The following CCDC178 variants were observed in gnomAD, a reference collection of about 807,000 sequenced individuals.
CCDC178 encodes the protein coiled-coil domain-containing protein 178.
A neutral mutation model predicts 117.4 loss-of-function variants in CCDC178; 126 were observed. The observed-to-expected ratio is 1.07, with a 90% CI of 0.93 to 1.24. CCDC178 has a LOEUF of 1.24. Among genes scored for constraint, CCDC178 ranks in the 50% most tolerant of loss-of-function variants. The pLI, the probability that CCDC178 is intolerant of heterozygous loss-of-function variation, is 0.00. For missense variants in CCDC178, 1,030 were observed against 986.9 expected (o/e 1.04, Z -0.59); for synonymous variants, 283 against 313.4 (o/e 0.90, Z 1.02).
At chr18:33,410,106 G>A (rs150494826) in intron 3 of CCDC178, among the ~76,000 whole-genome samples, 71 of 152,274 alleles carry the variant, frequency 4.7e-4, no homozygotes, top group South Asian at 2.9e-3. Flanking sequence ...GCTTGCAAAC[G>A]AGTGTAGACT....
intron 14 of CCDC178, among the ~76,000 whole-genome samples, chr18:33,258,980 G>A (rs182538999): frequency 1.3e-5 from 2 of 151,992 alleles, no homozygotes; most frequent in African/African-American, 2.4e-5. Flanking sequence ...AGCACATAAC[G>A]TACATCAACA....
chr18:32,946,917 CT>C lies in CCDC178; in HGVS notation c.2524-8827del, dbSNP rs1042454316. 6.4e-4 allele frequency among the ~76,000 whole-genome samples: 97 copies of C among 151,918 alleles called. 1 individual carries two copies. The highest frequency in any genetic ancestry group is 2.2e-3 in the African/African-American group (91 of 41,446). On this transcript the variant is annotated intron_variant, in intron 22 of 22. Transcript: ENST00000383096. ...GTCTTAGCCTCCGGAGTAGCTGGGA[CT>C]ACCGGCACGCACCACCACGCCCGGC...
chr18:33,053,895 ATAT>A (rs2056785442), intron 21 of CCDC178, among the ~76,000 whole-genome samples: 1 of 152,080 alleles, frequency 6.6e-6, no homozygotes, highest in Non-Finnish European at 1.5e-5. Context: ...ATTTTGAATA[ATAT>A]TATACAAAAT....
chr18:33,233,940 T>A (rs2059397303), intron 15 of CCDC178, among the ~76,000 whole-genome samples: 1 of 152,130 alleles, frequency 6.6e-6, no homozygotes. Flanking sequence ...AAAGTTCAGA[T>A]AATTAAATGG....
At chr18:33,073,504 C>CATCTATCTATCT (rs11468119) in intron 21 of CCDC178, among the ~76,000 whole-genome samples, 6 of 142,112 alleles carry the variant, frequency 4.2e-5, no homozygotes, top group South Asian at 2.3e-4. Flanking sequence ...CTATAGTCAG[C>CATCTATCTATCT]ATCTATCTAT....
At chr18:33,204,892 T>A (rs962196733) in intron 20 of CCDC178, among the ~76,000 whole-genome samples, 4 of 152,056 alleles carry the variant, frequency 2.6e-5, no homozygotes, top group African/African-American at 4.8e-5. Flanking sequence ...AATAACAGCA[T>A]GTTAATGATA....
At chr18:33,212,218 G>A (rs1030275008) in intron 19 of CCDC178, among the ~76,000 whole-genome samples, 163 bp from the exon 20 acceptor site, 1 of 151,876 alleles carries the variant, frequency 6.6e-6, no homozygotes, top group Admixed American at 6.6e-5. Flanking sequence ...TACTTCCATA[G>A]GGCTACATCT....
chr18:33,021,300 G>T (rs184826546), intron 21 of CCDC178, among the ~76,000 whole-genome samples: 38 of 152,208 alleles, frequency 2.5e-4, no homozygotes, highest in Non-Finnish European at 4.3e-4. Context: ...TCTTTCACCT[G>T]TTCTGAATCT....
At chr18:33,267,794 A>G (rs1467923410) in intron 12 of CCDC178, among the ~76,000 whole-genome samples, 2 of 151,554 alleles carry the variant, frequency 1.3e-5, no homozygotes, top group African/African-American at 4.8e-5. Flanking sequence ...TTAAATACCT[A>G]GAAAAATAGA....
chr18:33,319,252 T>G (rs1266503977), intron 11 of CCDC178, among the ~76,000 whole-genome samples: 1 of 152,046 alleles, frequency 6.6e-6, no homozygotes, highest in Non-Finnish European at 1.5e-5. Context: ...CCAGGTGTTC[T>G]CGGTGTTCAA....
chr18:32,944,795 A>C (rs2054309833), intron 22 of CCDC178, among the ~76,000 whole-genome samples: 1 of 152,060 alleles, frequency 6.6e-6, no homozygotes, highest in Non-Finnish European at 1.5e-5. Context: ...TTTCCCCCAT[A>C]CTGTTCTCAT....
chr18:33,315,247 T>A (rs1599147959), intron 11 of CCDC178, among the ~76,000 whole-genome samples: 1 of 152,142 alleles, frequency 6.6e-6, no homozygotes, highest in Admixed American at 6.5e-5. Flanking sequence ...CTTTTGATTA[T>A]CTCTTGGCAA....
chr18:33,437,186 C>G (rs1053504957), intron 2 of CCDC178, among the ~76,000 whole-genome samples: 1 of 152,110 alleles, frequency 6.6e-6, no homozygotes, highest in African/African-American at 2.4e-5. Flanking sequence ...TTAGACTCAA[C>G]AGTTACAATT....
intron 21 of CCDC178, among the ~76,000 whole-genome samples, chr18:33,040,009 A>C (rs2056518481): frequency 6.6e-6 from 1 of 151,838 alleles, no homozygotes; most frequent in Non-Finnish European, 1.5e-5. Flanking sequence ...TTACCATAAG[A>C]AAAAAAATAC....
intron 16 of CCDC178, among the ~76,000 whole-genome samples, 159 bp from the exon 17 acceptor site, chr18:33,225,095 ATATAT>A (rs2059286802): frequency 1.3e-5 from 2 of 149,566 alleles, no homozygotes; most frequent in Admixed American, 7.0e-5. Flanking sequence ...TATATATTAC[ATATAT>A]TATATTACAT....
chr18:33,388,886 G>A (rs144344495), intron 5 of CCDC178, among the ~76,000 whole-genome samples: 181 of 152,122 alleles, frequency 1.2e-3, no homozygotes, highest in Non-Finnish European at 1.9e-3. Flanking sequence ...ACTAACGCAG[G>A]AACAGAAAAC....
intron 2 of CCDC178, among the ~76,000 whole-genome samples, chr18:33,418,452 A>C (rs1329062641): frequency 6.6e-6 from 1 of 152,184 alleles, no homozygotes; most frequent in East Asian, 1.9e-4. Context: ...TCCCACTGTC[A>C]CCACTTCTAT....
chr18:33,043,770 C>G (rs1388806606), intron 21 of CCDC178, among the ~76,000 whole-genome samples: 1 of 151,758 alleles, frequency 6.6e-6, no homozygotes, highest in Non-Finnish European at 1.5e-5. Flanking sequence ...AACACCAATG[C>G]TCAGATTTTC....
Position 33,206,958 on chromosome 18 carries a change from A to G in CCDC178, c.2238+4938T>C, listed in dbSNP as rs192917545. Among the ~76,000 whole-genome samples the G allele has an allele frequency of 3.6e-3, 552 of 152,322 alleles. 6 individuals carry two copies. The highest frequency in any genetic ancestry group is 0.012 in the African/African-American group (512 of 41,580). Reference sequence around the variant, plus strand: ...TGTAGCATCCACATGGACCACTTTCATATCACCCTTTGAGTCTTGAAGCCA... The same window carrying G: ...TGTAGCATCCACATGGACCACTTTCGTATCACCCTTTGAGTCTTGAAGCCA... On this transcript the variant is annotated intron_variant, in intron 20 of 22. Coordinates refer to ENST00000383096, the MANE Select transcript of CCDC178 (RefSeq NM_001105528.4).
Sources: gnomAD v4.1 joint callset for allele counts (sites outside exome capture counted in the v4.1 genomes callset) on GRCh38, gnomAD v4.1.1 for gene constraint, MANE v1.5 for transcripts, NCBI Gene and HGNC (gene_info 2026-07-23, HGNC 2026-07-21) for gene names.